Variants in RUFY4 observed in about 807,000 individuals in gnomAD.
RUFY4 encodes the protein RUN and FYVE domain-containing protein 4.
Under a neutral mutation model 69.0 loss-of-function variants are expected in RUFY4, and 73 were observed. That is an observed-to-expected ratio of 1.06 (90% CI 0.88 to 1.29). RUFY4 has a LOEUF of 1.29. RUFY4 is among the 50% of genes most tolerant of loss of function. The pLI is 0.00. For missense variants in RUFY4, 770 were observed against 705.6 expected (o/e 1.09, Z -1.03); for synonymous variants, 287 against 271.8 (o/e 1.06, Z -0.55).
At chr2:218,037,898 T>C (rs1959002599) in intron 2 of RUFY4, among the ~76,000 whole-genome samples, 1 of 152,208 alleles carries the variant, frequency 6.6e-6, no homozygotes, top group Non-Finnish European at 1.5e-5. Flanking sequence ...AAAAGTACAT[T>C]TGGCCAAATT....
intron 3 of RUFY4, 31 bp downstream of exon 5, chr2:218,072,530 C>A: frequency 1.3e-6 from 2 of 1,534,912 alleles, no homozygotes; most frequent in Non-Finnish European, 1.7e-6. Context: ...AGAAGGCTGA[C>A]GGGGTGGGGG....
chr2:218,039,557 G>A (rs1366570687), intron 2 of RUFY4, among the ~76,000 whole-genome samples: 2 of 152,226 alleles, frequency 1.3e-5, no homozygotes, highest in Non-Finnish European at 2.9e-5. Context: ...CAGTATAGTA[G>A]GGTTCATGTT....
At chr2:218,040,745 C>G (rs73082326) in intron 2 of RUFY4, among the ~76,000 whole-genome samples, 15,125 of 152,024 alleles carry the variant, frequency 0.099, 2,360 homozygotes, top group African/African-American at 0.34. Context: ...CTGGTAGGGA[C>G]GGAACATACT....
intron 3 of RUFY4, chr2:218,061,372 T>C: frequency 4.4e-6 from 1 of 226,614 alleles, no homozygotes; most frequent in East Asian, 1.1e-4. Context: ...CCACTGAAGA[T>C]GTCTTCCCAC....
rs533141321 is a variant in RUFY4 at position 218,052,248 on chromosome 2, C to T, written c.-1157-6347C>T. Among the ~76,000 whole-genome samples the T allele has an allele frequency of 3.3e-5, 5 of 152,264 alleles. No individual in the cohort carries two copies. In the East Asian group the frequency reaches 7.7e-4, roughly 24 times the overall value. ...TTGTGGCCTGACCCAGAATGTTTGT[C>T]TTAAAGGCCTAGGAGGACAACGTGT... On this transcript the variant is annotated intron_variant and NMD_transcript_variant, in intron 2 of 13. Transcript: ENST00000457754.
chr2:218,070,604 C>T (rs760212262), exon 1 of RUFY4: 47 of 1,537,348 alleles, frequency 3.1e-5, no homozygotes, highest in Middle Eastern at 3.3e-4. Flanking sequence ...TTCCAAGTAC[C>T]CATGGCAGAA....
chr2:218,044,574 C>T (rs562443476), intron 2 of RUFY4, among the ~76,000 whole-genome samples: 26 of 152,258 alleles, frequency 1.7e-4, no homozygotes, highest in Admixed American at 2.6e-4. Context: ...TTTTCCTGAT[C>T]CTTTTTCTTT....
chr2:218,048,611 G>A (rs551874832), intron 2 of RUFY4, among the ~76,000 whole-genome samples: 24 of 152,090 alleles, frequency 1.6e-4, no homozygotes, highest in African/African-American at 5.5e-4. Flanking sequence ...AGATTTATTT[G>A]ATTCCCTTTA....
chr2:218,043,169 G>A (rs1310914840), intron 2 of RUFY4, among the ~76,000 whole-genome samples: 3 of 152,154 alleles, frequency 2.0e-5, no homozygotes, highest in Non-Finnish European at 4.4e-5. Flanking sequence ...TCAGCTCTCA[G>A]CAGAGAGGAG....
At chr2:218,072,723 C>T (rs1689518794) in intron 3 of RUFY4, 56 bp from the exon 6 acceptor site, 4 of 1,383,052 alleles carry the variant, frequency 2.9e-6, no homozygotes, top group Non-Finnish European at 2.9e-6. Context: ...CTCTGTGTTA[C>T]CTGGGCGCCC....
At chr2:218,083,733 G>A (rs1468125842) in intron 9 of RUFY4, among the ~76,000 whole-genome samples, 1 of 151,134 alleles carries the variant, frequency 6.6e-6, no homozygotes, top group African/African-American at 2.4e-5. Flanking sequence ...GGGCGACAGA[G>A]TGAGAATCCA....
At chr2:218,074,216 G>T (rs1421897043) in intron 6 of RUFY4, among the ~76,000 whole-genome samples, 1 of 152,184 alleles carries the variant, frequency 6.6e-6, no homozygotes, top group African/African-American at 2.4e-5. Flanking sequence ...CCTCTGCTGA[G>T]TCCCCTGCAC....
chr2:218,061,421 A>G, intron 3 of RUFY4: 1 of 227,526 alleles, frequency 4.4e-6, no homozygotes, highest in East Asian at 1.1e-4. Context: ...TTTTTGAGGT[A>G]AACTTAAATC....
chr2:218,083,284 A>T (rs1689810711), intron 9 of RUFY4, 28 bp downstream of exon 11: 1 of 1,555,534 alleles, frequency 6.4e-7, no homozygotes, highest in Non-Finnish European at 8.7e-7. Flanking sequence ...GGGAAAGGGG[A>T]AACAGATGGG....
intron 4 of RUFY4, 102 bp from the exon 7 acceptor site, chr2:218,073,141 T>C: frequency 4.0e-5 from 54 of 1,360,462 alleles, no homozygotes; most frequent in Non-Finnish European, 5.1e-5. Flanking sequence ...CGGTGTGTAG[T>C]GGAGGCTGCT....
At chr2:218,061,982 CA>C (rs1689205859) in intron 3 of RUFY4, among the ~76,000 whole-genome samples, 2 of 152,314 alleles carry the variant, frequency 1.3e-5, no homozygotes, top group African/African-American at 4.8e-5. Flanking sequence ...TGAACAGTAG[CA>C]TGGAGTTTTG....
chr2:218,067,754 G>C (rs1265655673), upstream of RUFY4, among the ~76,000 whole-genome samples: 1 of 152,054 alleles, frequency 6.6e-6, no homozygotes, highest in Non-Finnish European at 1.5e-5. Context: ...CCTCCTTCTC[G>C]CCTTGATCAT....
chr2:218,088,244 T>C (rs1372325060), intron 9 of RUFY4, among the ~76,000 whole-genome samples: 1 of 152,050 alleles, frequency 6.6e-6, no homozygotes, highest in Non-Finnish European at 1.5e-5. Flanking sequence ...CTGTAATCCC[T>C]GCACTTTGGG....
At chr2:218,090,050 C>T in exon 11 of RUFY4, 5 of 1,538,538 alleles carry the variant, frequency 3.2e-6, no homozygotes, top group Non-Finnish European at 4.4e-6. Flanking sequence ...GCCCAGGTCA[C>T]CTGACCAAGA....
Sources: allele counts gnomAD v4.1 joint callset (sites outside exome capture counted in the v4.1 genomes callset), GRCh38; gene constraint gnomAD v4.1.1; transcripts MANE v1.5; gene names NCBI Gene and HGNC (gene_info 2026-07-23, HGNC 2026-07-21).